The following ST3GAL3 variants were observed in gnomAD, a reference collection of about 807,000 sequenced individuals.
ST3GAL3 encodes the protein CMP-N-acetylneuraminate-beta-1,4-galactoside alpha-2,3-sialyltransferase.
A neutral mutation model predicts 50.1 loss-of-function variants in ST3GAL3; 21 were observed. That is an observed-to-expected ratio of 0.42 (90% confidence interval 0.30 to 0.60). The LOEUF is 0.60. Among genes scored for constraint, ST3GAL3 ranks in the 20% least tolerant of loss-of-function variants. ST3GAL3 has a pLI of 0.19. For synonymous variants in ST3GAL3, 183 were observed against 190.0 expected, an observed-to-expected ratio of 0.96 and a Z score of 0.30; for missense variants, 353 against 489.4, an observed-to-expected ratio of 0.72 and a Z score of 2.63.
chr1:43,819,565 A>G (rs1027893159), intron 4 of ST3GAL3, among the ~76,000 whole-genome samples: 2 of 152,328 alleles, frequency 1.3e-5, no homozygotes, highest in Admixed American at 1.3e-4. Context: ...CAACACAGCT[A>G]TATCTTGAGA....
chr1:43,748,100 T>C (rs1157679676), intron 2 of ST3GAL3, among the ~76,000 whole-genome samples: 1 of 152,132 alleles, frequency 6.6e-6, no homozygotes, highest in Admixed American at 6.5e-5. Flanking sequence ...TTAGGAGCCC[T>C]GTCTCAGGAA....
intron 1 of ST3GAL3, among the ~76,000 whole-genome samples, chr1:43,711,401 A>G (rs1397950540): frequency 6.6e-6 from 1 of 152,248 alleles, no homozygotes; most frequent in Non-Finnish European, 1.5e-5. Context: ...TTCATTGGCC[A>G]AAGCAAGTCA....
At chr1:43,875,219 G>A (rs1287899731) in intron 5 of ST3GAL3, among the ~76,000 whole-genome samples, 1 of 152,220 alleles carries the variant, frequency 6.6e-6, no homozygotes, top group African/African-American at 2.4e-5. Context: ...GATGATTTCA[G>A]TGTGTTGAGG....
chr1:43,761,767 A>G (rs951682895), intron 2 of ST3GAL3, among the ~76,000 whole-genome samples: 16 of 151,142 alleles, frequency 1.1e-4, no homozygotes, highest in African/African-American at 2.2e-4. Context: ...TGGCTAACAC[A>G]GTGAAACCCA....
At chr1:43,788,581 C>G (rs952501625) in intron 2 of ST3GAL3, among the ~76,000 whole-genome samples, 3 of 152,178 alleles carry the variant, frequency 2.0e-5, no homozygotes, top group Non-Finnish European at 4.4e-5. Context: ...TGATGGGAGT[C>G]AATACCCAGA....
chr1:43,800,800 C>T (rs2059229656), intron 3 of ST3GAL3, among the ~76,000 whole-genome samples: 1 of 152,208 alleles, frequency 6.6e-6, no homozygotes, highest in Admixed American at 6.5e-5. Flanking sequence ...ATTCTGCAAG[C>T]CTGACAGCCC....
At chr1:43,901,775 A>G (rs1022393992) in intron 9 of ST3GAL3, among the ~76,000 whole-genome samples, 1 of 152,090 alleles carries the variant, frequency 6.6e-6, no homozygotes, top group African/African-American at 2.4e-5. Flanking sequence ...CTAGCCTTGT[A>G]TTGGTGAGAA....
chr1:43,849,851 T>G (rs1192518060), intron 5 of ST3GAL3, among the ~76,000 whole-genome samples: 1 of 152,228 alleles, frequency 6.6e-6, no homozygotes, highest in Non-Finnish European at 1.5e-5. Flanking sequence ...CCCTTTGGCA[T>G]GCTGCTGGGT....
At chr1:43,844,792 A>C (rs1574105577) in intron 5 of ST3GAL3, among the ~76,000 whole-genome samples, 2 of 151,154 alleles carry the variant, frequency 1.3e-5, no homozygotes, top group African/African-American at 2.4e-5. Context: ...GTGCCACTGC[A>C]CTCCAGCCTG....
intron 5 of ST3GAL3, among the ~76,000 whole-genome samples, chr1:43,857,518 CCT>C (rs1267559112): frequency 1.9e-4 from 28 of 146,196 alleles, no homozygotes; most frequent in Non-Finnish European, 3.5e-4. Flanking sequence ...TTCCTTCCTT[CCT>C]TCCCTCCTCC....
rs541956814 is a variant in ST3GAL3 at position 43,768,116 on chromosome 1, C to T, written c.119-23986C>T. ...AAGATTAACATACTTTTCCAAGGAG[C>T]AAGTTTTTTTAAAAAAAGATTAATA... On this transcript the variant is annotated intron_variant, in intron 2 of 11. Coordinates refer to ENST00000347631, the MANE Select transcript of ST3GAL3 (RefSeq NM_006279.5). 3.3e-3 allele frequency among the ~76,000 whole-genome samples: 500 copies of T among 152,150 alleles called. 3 individuals carry two copies. The highest frequency in any genetic ancestry group is 0.011 in the African/African-American group (474 of 41,512).
At chr1:43,824,253 C>T (rs2062474469) in intron 4 of ST3GAL3, among the ~76,000 whole-genome samples, 2 of 151,744 alleles carry the variant, frequency 1.3e-5, no homozygotes, top group African/African-American at 2.4e-5. Context: ...GTCAGGTGGC[C>T]CCTTCCTTTA....
chr1:43,885,470 C>T (rs2075831057), intron 5 of ST3GAL3, among the ~76,000 whole-genome samples: 1 of 152,118 alleles, frequency 6.6e-6, no homozygotes, highest in Non-Finnish European at 1.5e-5. Flanking sequence ...CGGGCTGGGG[C>T]CTGTCTTTTG....
chr1:43,840,778 G>A (rs995933700), intron 5 of ST3GAL3: 4 of 152,130 alleles, frequency 2.6e-5, no homozygotes, highest in African/African-American at 7.2e-5. Context: ...AAGAACCTAC[G>A]TGATTATCAG....
At chr1:43,843,210 G>C (rs2065699360) in intron 5 of ST3GAL3, among the ~76,000 whole-genome samples, 1 of 152,138 alleles carries the variant, frequency 6.6e-6, no homozygotes, top group South Asian at 2.1e-4. Flanking sequence ...GTTAGCTGTA[G>C]GTTTTTCATA....
chr1:43,887,343 A>G lies in ST3GAL3; in HGVS notation c.303-7040A>G, dbSNP rs1299076904. 2.6e-5 allele frequency among the ~76,000 whole-genome samples: 4 copies of G among 152,244 alleles called. No individual in the cohort carries two copies. In the East Asian group the frequency reaches 5.8e-4, roughly 22 times the overall value. On this transcript the variant is annotated intron_variant, in intron 5 of 11. Transcript: ENST00000347631. ...AAAGAACAGTGGAACCAACGGGTACAGGACCCTGGCAAGAGTGAGATTGAG... is the reference window on the plus strand; with the variant it reads ...AAAGAACAGTGGAACCAACGGGTACGGGACCCTGGCAAGAGTGAGATTGAG...
At chr1:43,711,765 A>G (rs953206681) in intron 1 of ST3GAL3, among the ~76,000 whole-genome samples, 6 of 152,238 alleles carry the variant, frequency 3.9e-5, no homozygotes, top group African/African-American at 1.2e-4. Context: ...AAAACTTACT[A>G]TGTTACAGCA....
intron 5 of ST3GAL3, chr1:43,851,490 T>C: frequency 6.3e-7 from 1 of 1,597,520 alleles, no homozygotes; most frequent in Non-Finnish European, 8.6e-7. Flanking sequence ...AGTCCTGCCT[T>C]AGTATCTCTG....
intron 2 of ST3GAL3, among the ~76,000 whole-genome samples, chr1:43,783,771 G>C (rs548301099): frequency 6.6e-6 from 1 of 152,216 alleles, no homozygotes; most frequent in Admixed American, 6.5e-5. Context: ...GGCAGCAGCT[G>C]GTAGAATTCC....
Sources: gnomAD v4.1 joint callset for allele counts (sites outside exome capture counted in the v4.1 genomes callset) on GRCh38, gnomAD v4.1.1 for gene constraint, MANE v1.5 for transcripts, NCBI Gene and HGNC (gene_info 2026-07-23, HGNC 2026-07-21) for gene names.